EPB41L1: variants seen among roughly 807,000 people sequenced by gnomAD.
The protein encoded by EPB41L1 is band 4.1-like protein 1.
EPB41L1 carries 29 observed loss-of-function variants against 97.8 expected under a neutral mutation model. That is an observed-to-expected ratio of 0.30 (90% CI 0.22 to 0.40). The LOEUF is 0.40. Among genes scored for constraint, EPB41L1 ranks in the 10% least tolerant of loss-of-function variants. EPB41L1 has a pLI of 1.00. For synonymous variants in EPB41L1, 383 were observed against 459.2 expected, an observed-to-expected ratio of 0.83 and a Z score of 2.12; for missense variants, 812 against 1,162.3, an observed-to-expected ratio of 0.70 and a Z score of 4.38.
intron 18 of EPB41L1, 45 bp from the exon 19 acceptor site, chr20:36,219,716 T>C: frequency 7.4e-7 from 1 of 1,342,296 alleles, no homozygotes; most frequent in South Asian, 1.2e-5. Flanking sequence ...CAGAGCCCAC[T>C]GTCCTTACCT....
Position 36,197,982 on chromosome 20 carries a change from A to G in EPB41L1, c.1609A>G (p.Arg537Gly), listed in dbSNP as rs746434554. The change falls in exon 14 of 22, where the codon AGG becomes GGG. Residue 537 changes from arginine (R) to glycine (G), a missense_variant. By Grantham distance (125) the Arg-to-Gly change is moderately radical. Coordinates refer to ENST00000338074, the MANE Select transcript of EPB41L1 (RefSeq NM_012156.2). Reference sequence around the variant, plus strand: ...GGATCGAGACTGGGAACGGGAGCGCAGGCTGCCCTCCTCCCCCGCCTCCCC... The same window carrying G: ...GGATCGAGACTGGGAACGGGAGCGCGGGCTGCCCTCCTCCCCCGCCTCCCC... Reference protein sequence around the residue: ...HRDRDWERERRLPSSPASPSP... With the variant: ...HRDRDWERERGLPSSPASPSP... 6.2e-7 allele frequency: 1 copy of G among 1,614,028 alleles called. No homozygotes were observed. Among genetic ancestry groups the G allele is most frequent in the Non-Finnish European group, 8.5e-7 (1 of 1,180,004 alleles).
intron 2 of EPB41L1, among the ~76,000 whole-genome samples, chr20:36,126,443 T>C (rs2058972423): frequency 6.6e-6 from 1 of 151,332 alleles, no homozygotes; most frequent in Admixed American, 6.6e-5. Flanking sequence ...CTCGGCTCAC[T>C]GCAACCTCTG....
At chr20:36,142,869 G>C (rs2059692429) in intron 2 of EPB41L1, among the ~76,000 whole-genome samples, 1 of 152,220 alleles carries the variant, frequency 6.6e-6, no homozygotes, top group South Asian at 2.1e-4. Context: ...GGCTCAGCCT[G>C]GTGTGATCAG....
At chr20:36,107,695 T>TG (rs199776066) in intron 1 of EPB41L1, among the ~76,000 whole-genome samples, 151,609 of 151,612 alleles carry the variant, frequency 1, 75,803 homozygotes, top group Middle Eastern at 1. Context: ...CCAGGCGTGG[T>TG]GCACGTGCCT....
chr20:36,168,378 CTCTG>C (rs1282453214), intron 1 of EPB41L1, among the ~76,000 whole-genome samples: 2 of 152,156 alleles, frequency 1.3e-5, no homozygotes, highest in African/African-American at 4.8e-5. Context: ...CCCTGCTGGC[CTCTG>C]TCTGTTAGAA....
At chr20:36,178,473 C>A (rs573123954) in intron 4 of EPB41L1, among the ~76,000 whole-genome samples, 157 bp from the exon 5 acceptor site, 1 of 152,314 alleles carries the variant, frequency 6.6e-6, no homozygotes, top group South Asian at 2.1e-4. Context: ...TTCCCCTCAC[C>A]CCCTAGTCCC....
rs1487657590 is a variant in EPB41L1 at position 36,197,941 on chromosome 20, G to A, written c.1568G>A (p.Ser523Asn). The stretch of plus-strand genomic sequence containing the variant: ...AAAAGGACCCTGAAGGAGCCCAACA[G>A]CAAACTCATCCACCGGGATCGAGAC... ...ELKRTLKEPN[S>N]KLIHRDRDWE... Residue 523 changes from serine to asparagine, a missense_variant, in exon 14 of 22, where the codon AGC (serine) becomes AAC (asparagine). Physicochemically the swap from Ser to Asn is conservative, Grantham distance 46. Around this residue, in one of 3 missense-constraint regions of EPB41L1, gnomAD observed 498 missense variants for 622.7 expected, o/e 0.80. Transcript: ENST00000338074. 2 of 1,614,046 alleles carry A rather than the reference G, an allele frequency of 1.2e-6. No individual in the cohort carries two copies. The highest frequency in any genetic ancestry group is 2.7e-5 in the African/African-American group (2 of 74,906).
At chr20:36,222,026 T>G in intron 20 of EPB41L1, 82 bp downstream of exon 20, 1 of 1,417,930 alleles carries the variant, frequency 7.1e-7, no homozygotes, top group East Asian at 2.3e-5. Context: ...TGGATGGCTA[T>G]CCTCATGGGC....
chr20:36,202,829 A>C (rs1453447403), intron 14 of EPB41L1, among the ~76,000 whole-genome samples: 1 of 150,720 alleles, frequency 6.6e-6, no homozygotes, highest in African/African-American at 2.4e-5. Flanking sequence ...AAAAAAAAAA[A>C]AGGCAGGCCC....
chr20:36,187,242 G>T (rs6089012), intron 7 of EPB41L1, among the ~76,000 whole-genome samples: 6 of 152,212 alleles, frequency 3.9e-5, no homozygotes, highest in Non-Finnish European at 8.8e-5. Flanking sequence ...CTGTTCCTTA[G>T]GAGAGATTAA....
intron 1 of EPB41L1, among the ~76,000 whole-genome samples, chr20:36,101,566 C>T (rs916760218): frequency 6.6e-6 from 1 of 152,162 alleles, no homozygotes; most frequent in Non-Finnish European, 1.5e-5. Flanking sequence ...GGCAAGGGAG[C>T]AGAAGTTCAA....
chr20:36,130,774 G>T (rs1441003860), intron 2 of EPB41L1, among the ~76,000 whole-genome samples: 2 of 140,230 alleles, frequency 1.4e-5, no homozygotes, highest in Middle Eastern at 3.7e-3. Flanking sequence ...CTCTCTATTT[G>T]ATTTTTAAAA....
chr20:36,130,832 A>G (rs1271225491), intron 2 of EPB41L1, among the ~76,000 whole-genome samples: 2 of 151,408 alleles, frequency 1.3e-5, no homozygotes, highest in African/African-American at 4.9e-5. Flanking sequence ...TCCCCGAGAC[A>G]GAGTTTTGCT....
In EPB41L1 at chr20:36,232,703, A is replaced by T. The variant is rs1460549887; in HGVS notation, c.*3363A>T. ...CACCCTTCTCTCCTTTCTCGTCCCC[A>T]TGCTCCCCCACCTCAGTGCTCCGTG... is the stretch of plus-strand genomic sequence containing the variant. On this transcript the variant is annotated 3_prime_UTR_variant, in exon 22 of 22. Coordinates refer to ENST00000338074, the MANE Select transcript of EPB41L1 (RefSeq NM_012156.2). 7 of 398,602 alleles carry T rather than the reference A, an allele frequency of 1.8e-5. No homozygotes were observed. Among genetic ancestry groups the T allele is most frequent in the Admixed American group, 8.8e-5 (2 of 22,656 alleles). The allele number at this position is 398,602 out of a possible 1,614,324, so 24.7% of individuals were successfully genotyped here.
At chr20:36,192,591 T>C (rs1004600785) in intron 11 of EPB41L1, among the ~76,000 whole-genome samples, 1 of 148,496 alleles carries the variant, frequency 6.7e-6, no homozygotes, top group African/African-American at 2.5e-5. Flanking sequence ...AAACCGTGGA[T>C]ACTCCCAGAA....
chr20:36,116,623 A>G (rs190523029), intron 2 of EPB41L1, among the ~76,000 whole-genome samples: 1 of 152,326 alleles, frequency 6.6e-6, no homozygotes, highest in African/African-American at 2.4e-5. Context: ...TCCAGACAGC[A>G]CAGTGCTCCA....
intron 21 of EPB41L1, among the ~76,000 whole-genome samples, chr20:36,226,725 C>T (rs1172191904): frequency 1.3e-5 from 2 of 152,160 alleles, no homozygotes; most frequent in Non-Finnish European, 2.9e-5. Flanking sequence ...AAATGCTGCA[C>T]GCAGGGACTG....
Position 36,219,016 on chromosome 20 carries a change from A to G in EPB41L1, c.2355+54A>G, listed in dbSNP as rs1344565072. On this transcript the variant is annotated intron_variant, in intron 18 of 21. Coordinates refer to ENST00000338074, the MANE Select transcript of EPB41L1 (RefSeq NM_012156.2). Reference sequence around the variant, plus strand: ...GGGACTCCACACTGAGAATATGGGCATGGACCCATGTATGGCTGGCAGGAA... The same window carrying G: ...GGGACTCCACACTGAGAATATGGGCGTGGACCCATGTATGGCTGGCAGGAA... The G allele has an allele frequency of 3.2e-6, 5 of 1,565,376 alleles. No individual in the cohort carries two copies. The East Asian group carries it at 1.1e-4, about 35-fold the overall frequency.
intron 1 of EPB41L1, among the ~76,000 whole-genome samples, chr20:36,107,699 C>T (rs971433701): frequency 1.1e-4 from 16 of 146,866 alleles, no homozygotes; most frequent in East Asian, 4.2e-4. Context: ...GCGTGGTGCA[C>T]GTGCCTGTAA....
Sources: allele counts gnomAD v4.1 joint callset (sites outside exome capture counted in the v4.1 genomes callset), GRCh38; gene constraint gnomAD v4.1.1; regional missense constraint gnomAD v4.1.1; transcripts MANE v1.5; gene names NCBI Gene and HGNC (gene_info 2026-07-23, HGNC 2026-07-21).